The following KLHL41 variants were observed in gnomAD, a reference collection of about 807,000 sequenced individuals.
KLHL41 encodes kelch-like protein 41.
In KLHL41, 31 loss-of-function variants were observed where a neutral mutation model predicts 49.2. The ratio of observed to expected loss-of-function variants is 0.63; its 90% CI spans 0.47 to 0.85. The LOEUF (loss-of-function observed/expected upper bound fraction) is 0.85, where lower values mean the gene tolerates loss of function less well. KLHL41 is among the 40% of genes least tolerant of loss of function. The pLI is 0.00. For missense variants in KLHL41, 663 were observed against 726.7 expected (o/e 0.91, Z 1.01); for synonymous variants, 218 against 258.5 (o/e 0.84, Z 1.50).
chr2:169,515,635 T>C (rs757615161), intron 3 of KLHL41, among the ~76,000 whole-genome samples: 11 of 152,206 alleles, frequency 7.2e-5, no homozygotes, highest in Admixed American at 6.5e-4. Context: ...TTTAATGTAG[T>C]ATTTAAAATA....
chr2:169,510,789 T>A lies in KLHL41; in HGVS notation c.1011T>A (p.His337Gln), dbSNP rs1430767901. The A allele has an allele frequency of 2.5e-6, 4 of 1,614,046 alleles. No individual in the cohort carries two copies. The highest frequency in any genetic ancestry group is 3.4e-6 in the Non-Finnish European group (4 of 1,180,042). ...TGGCTGAGCAGATTCCCAGAAATCA[T>A]TCCAGCATTGTTACCCAGCAAAATC... ...TALAEQIPRN[H>Q]SSIVTQQNQI... Residue 337 changes from histidine (H) to glutamine (Q), a missense_variant, in exon 1 of 6, where the codon CAT becomes CAA. This residue lies in a region of KLHL41 where 528 missense variants were observed against 581.0 expected (regional missense o/e 0.91). Coordinates refer to ENST00000284669, the MANE Select transcript of KLHL41 (RefSeq NM_006063.3). This position sits in a 1 kb window ranked among gnomAD's most constrained non-coding sequence, Gnocchi z 4.2.
Position 169,522,109 on chromosome 2 carries a change from G to A in KLHL41, c.1709+1102G>A, listed in dbSNP as rs1037962230. Among the ~76,000 whole-genome samples, 9 of 149,508 alleles carry A rather than the reference G, an allele frequency of 6.0e-5. No individual in the cohort carries two copies. In the East Asian group the frequency reaches 1.9e-3, roughly 31 times the overall value. ...ATTGTTTGCACATTTAAGTTTATAA[G>A]TACAGCTTTGGAAGAGTGCCATTTA... On this transcript the variant is annotated intron_variant, in intron 5 of 5. Transcript: ENST00000284669.
At chr2:169,516,863 A>G (rs1030035484) in intron 3 of KLHL41, among the ~76,000 whole-genome samples, 1 of 152,104 alleles carries the variant, frequency 6.6e-6, no homozygotes, top group African/African-American at 2.4e-5. Context: ...CTCTACTAAA[A>G]ATACAAAATT....
Position 169,520,316 on chromosome 2 carries a change from G to GTGTGTGTA in KLHL41, c.1563-538_1563-537insATGTGTGT, listed in dbSNP as rs1559132019. On this transcript the variant is annotated intron_variant, in intron 4 of 5. Coordinates refer to ENST00000284669, the MANE Select transcript of KLHL41 (RefSeq NM_006063.3). Reference sequence around the variant, plus strand: ...TGTGTGTGTGTGTGTGTGTGTATGTGTGTGTGTGTGTGTGGAGGCAGTCCA... The same window carrying GTGTGTGTA: ...TGTGTGTGTGTGTGTGTGTGTATGTGTGTGTGTATGTGTGTGTGTGTGGAGGCAGTCCA... 3.9e-4 allele frequency among the ~76,000 whole-genome samples: 55 copies of GTGTGTGTA among 139,986 alleles called. 2 individuals carry two copies. The highest frequency in any genetic ancestry group is 3.2e-3 in the South Asian group (13 of 4,044). 91.8% of individuals were successfully genotyped at this position (139,986 alleles called of 152,430 possible).
rs1304723008 is a variant in KLHL41 at position 169,520,926 on chromosome 2, C to A, written c.1628C>A (p.Ser543Tyr). Reference sequence around the variant, plus strand: ...ATCAGTTTGGTCAGCCTGGCTGGATCTCTGTATGCAATTGGTGGTTTTGCT... The same window carrying A: ...ATCAGTTTGGTCAGCCTGGCTGGATATCTGTATGCAATTGGTGGTTTTGCT... The part of the protein sequence containing the change: ...SSISLVSLAG[S>Y]LYAIGGFAMI... Residue 543 changes from serine to tyrosine, a missense_variant, in exon 5 of 6, where the codon TCT (serine) becomes TAT (tyrosine). Ser to Tyr is a moderately radical substitution (Grantham distance 144). This residue lies in a region of KLHL41 where 528 missense variants were observed against 581.0 expected (regional missense o/e 0.91). Transcript: ENST00000284669. The A allele has an allele frequency of 2.5e-6, 4 of 1,613,660 alleles. No individual in the cohort carries two copies. The highest frequency in any genetic ancestry group is 2.2e-5 in the South Asian group (2 of 91,086).
At position 169,510,914 on chromosome 2, in the gene KLHL41, G is replaced by C. The variant is rs757691431; in HGVS notation, c.1110+26G>C. The C allele has an allele frequency of 3.8e-6, 6 of 1,587,842 alleles. No homozygotes were observed. In the East Asian group the frequency reaches 1.3e-4, roughly 36 times the overall value. On this transcript the variant is annotated intron_variant, in intron 1 of 5. Transcript: ENST00000284669. This position sits in a 1 kb window ranked among gnomAD's most constrained non-coding sequence, Gnocchi z 4.2. ...GTAAGAAGGACTTTTTGTATATGTA[G>C]TTGCTTAAAGGGAAGGCTGTTACTC...
Position 169,525,741 on chromosome 2 carries a change from G to C in KLHL41, c.*45G>C, listed in dbSNP as rs776338095. 24 of 1,047,598 alleles carry C rather than the reference G, an allele frequency of 2.3e-5. No individual in the cohort carries two copies. The highest frequency in any genetic ancestry group is 3.4e-5 in the Non-Finnish European group (23 of 673,376). The allele number at this position is 1,047,598 out of a possible 1,614,324, so 64.9% of individuals were successfully genotyped here. ...TAGATTGGGAGGTGGTTTGTTTGGT[G>C]AATGGGGCTTTAATTTATTCTGTTT... On this transcript the variant is annotated 3_prime_UTR_variant, in exon 6 of 6. Transcript: ENST00000284669.
Position 169,525,692 on chromosome 2 carries a change from T to C in KLHL41, c.1817T>C (p.Leu606Pro). 6.3e-7 allele frequency: 1 copy of C among 1,582,206 alleles called. No individual in the cohort carries two copies. The highest frequency in any genetic ancestry group is 8.7e-7 in the Non-Finnish European group (1 of 1,151,424). ...TTAAATCTCTTCAAACTGTCTAAAC[T>C]GTGAACAAGGTGACAAAACATAATA... ...TRLNLFKLSK[L>P] Residue 606 changes from leucine to proline, a missense_variant, in exon 6 of 6, where the codon CTG (leucine) becomes CCG (proline). Leu to Pro is a moderately conservative substitution (Grantham distance 98). Transcript: ENST00000284669.
chr2:169,514,367 C>T, intron 1 of KLHL41: 1 of 432,558 alleles, frequency 2.3e-6, no homozygotes. Context: ...ATTTTGATAT[C>T]TTTATCTGGT....
rs1378072785 is a variant in KLHL41, at chr2:169,514,976, C to T, written c.1376+15C>T. 15 of 1,438,426 alleles carry T rather than the reference C, an allele frequency of 1.0e-5. No homozygotes were observed. The highest frequency in any genetic ancestry group is 2.9e-5 in the African/African-American group (2 of 69,696). 89.1% of individuals were successfully genotyped at this position (1,438,426 alleles called of 1,614,324 possible). A position where few individuals can be genotyped will look rare whatever the true frequency, so the allele number is the denominator to read the frequency against. On this transcript the variant is annotated intron_variant, in intron 3 of 5. Coordinates refer to ENST00000284669, the MANE Select transcript of KLHL41 (RefSeq NM_006063.3). Reference sequence around the variant, plus strand: ...ACAGATGACAAGTAAGTACCCTGAACTCTCATGATTTATGTCTAAATGACT... The same window carrying T: ...ACAGATGACAAGTAAGTACCCTGAATTCTCATGATTTATGTCTAAATGACT...
At chr2:169,521,915 TAA>T (rs1033998685) in intron 5 of KLHL41, among the ~76,000 whole-genome samples, 1 of 149,792 alleles carries the variant, frequency 6.7e-6, no homozygotes, top group African/African-American at 2.5e-5. Context: ...GTGAGGCTAT[TAA>T]AAAAAAAGTT....
chr2:169,523,509 G>C (rs1559132854), intron 5 of KLHL41, among the ~76,000 whole-genome samples: 1 of 152,068 alleles, frequency 6.6e-6, no homozygotes, highest in Non-Finnish European at 1.5e-5. Context: ...TTTGAGACTG[G>C]TATTTCCTAA....
intron 4 of KLHL41, among the ~76,000 whole-genome samples, chr2:169,520,152 C>CTGTGTGTGTGTGTG (rs59155387): frequency 9.5e-6 from 1 of 104,966 alleles, no homozygotes; most frequent in African/African-American, 4.0e-5. Flanking sequence ...AGGCCTAGCT[C>CTGTGTGTGTGTGTG]TGTGTGTGTG....
intron 5 of KLHL41, among the ~76,000 whole-genome samples, chr2:169,521,790 A>C (rs1684207679): frequency 6.6e-6 from 1 of 152,222 alleles, no homozygotes; most frequent in African/African-American, 2.4e-5. Flanking sequence ...TTCAGCTAAT[A>C]AATGCTTTTT....
chr2:169,511,024 T>C, intron 1 of KLHL41, 136 bp downstream of exon 1: 2 of 732,482 alleles, frequency 2.7e-6, no homozygotes, highest in South Asian at 3.7e-5. Context: ...CTTGCACTTT[T>C]GCTGTATAGA....
chr2:169,520,821 C>T (rs1396765722), intron 4 of KLHL41, 40 bp from the exon 5 acceptor site: 1 of 1,467,948 alleles, frequency 6.8e-7, no homozygotes, highest in Non-Finnish European at 9.4e-7. Context: ...TCTGGCATTT[C>T]TTTAAGTTTT....
In KLHL41 at chr2:169,510,019, C is replaced by T; in HGVS notation, c.241C>T (p.Pro81Ser). 2 of 1,614,156 alleles carry T rather than the reference C, an allele frequency of 1.2e-6. No homozygotes were observed. Among genetic ancestry groups the T allele is most frequent in the Non-Finnish European group, 8.5e-7 (1 of 1,180,026 alleles). The change falls in exon 1 of 6, where the codon CCT (proline) becomes TCT (serine). Residue 81 changes from proline (P) to serine (S), a missense_variant. Pro to Ser is a moderately conservative substitution (Grantham distance 74, BLOSUM62 -1). This residue lies in a region of KLHL41 where 129 missense variants were observed against 122.1 expected (regional missense o/e 1.06). Transcript: ENST00000284669. The surrounding 1 kb of genome is among the most constrained non-coding windows in gnomAD (Gnocchi z 4.2). ...GGAGGTAGTGCTAGACAATGTGGAT[C>T]CTGCTATACTTGATTTAATCATCAA... Reference protein sequence around the residue: ...KKEVVLDNVDPAILDLIIKYL... With the variant: ...KKEVVLDNVDSAILDLIIKYL...
At chr2:169,519,997 G>C (rs887725638) in intron 4 of KLHL41, among the ~76,000 whole-genome samples, 1 of 151,226 alleles carries the variant, frequency 6.6e-6, no homozygotes, top group Admixed American at 6.6e-5. Context: ...TGTGCTCCTT[G>C]AATTTTTTTT....
intron 1 of KLHL41, among the ~76,000 whole-genome samples, chr2:169,513,128 C>T (rs986251620): frequency 6.6e-5 from 10 of 152,246 alleles, no homozygotes; most frequent in African/African-American, 2.4e-4. Flanking sequence ...CAGTACTGTA[C>T]AGTATGAGAG....
Sources: gnomAD v4.1 joint callset for allele counts (sites outside exome capture counted in the v4.1 genomes callset) on GRCh38, gnomAD v4.1.1 for gene constraint, gnomAD v4.1.1 regional missense constraint, Gnocchi (gnomAD v3.1) non-coding constraint, MANE v1.5 for transcripts, NCBI Gene and HGNC (gene_info 2026-07-23, HGNC 2026-07-21) for gene names.